The following CCDC28B variants were observed in gnomAD, a reference collection of about 807,000 sequenced individuals.
CCDC28B encodes the protein coiled-coil domain-containing protein 28B.
CCDC28B carries 17 observed loss-of-function variants against 18.7 expected under a neutral mutation model. That is an observed-to-expected ratio of 0.91 (90% CI 0.62 to 1.36). The LOEUF is 1.36. Among genes scored for constraint, CCDC28B ranks in the 40% most tolerant of loss-of-function variants. The pLI is 0.00. For synonymous variants in CCDC28B, 116 were observed against 105.1 expected (o/e 1.10, Z -0.64); for missense variants, 213 against 251.7 (o/e 0.85, Z 1.04).
rs1643278905 is a variant in CCDC28B at position 32,205,042 on chromosome 1, G to C, written c.549-152G>C. ...GATGAAGAGAGAGGGGGTGAGAGAG[G>C]GCAGGCGGGGACTGCAACCTCAGTC... On this transcript the variant is annotated intron_variant, in intron 5 of 5. Coordinates refer to ENST00000373602, the MANE Select transcript of CCDC28B (RefSeq NM_024296.5). This position sits in a 1 kb window ranked among gnomAD's most constrained non-coding sequence, Gnocchi z 5.6. The C allele has an allele frequency of 8.5e-7, 1 of 1,173,514 alleles. No individual in the cohort carries two copies. Among genetic ancestry groups the C allele is most frequent in the African/African-American group, 1.5e-5 (1 of 64,520 alleles). 72.7% of individuals were successfully genotyped at this position (1,173,514 alleles called of 1,614,324 possible). A position where few individuals can be genotyped will look rare whatever the true frequency, so the allele number is the denominator to read the frequency against.
upstream of CCDC28B, among the ~76,000 whole-genome samples, chr1:32,199,549 C>T (rs1643102606): frequency 6.6e-6 from 1 of 152,160 alleles, no homozygotes; most frequent in African/African-American, 2.4e-5. Flanking sequence ...TTTCTGTTGT[C>T]CCCAGTCTGG....
rs1643127907 is a variant in CCDC28B, at chr1:32,200,677, A to T, written c.-56A>T. On this transcript the variant is annotated 5_prime_UTR_variant, in exon 1 of 6. Transcript: ENST00000373602. ...AGGGCGGAGGGCGGAGGGAACTTGCACCGAAGCATCACTCGAGACCCCAAA... is the reference window on the plus strand; with the variant it reads ...AGGGCGGAGGGCGGAGGGAACTTGCTCCGAAGCATCACTCGAGACCCCAAA... 1 of 152,268 alleles carries T rather than the reference A, an allele frequency of 6.6e-6. No homozygotes were observed. Among genetic ancestry groups the T allele is most frequent in the African/African-American group, 2.4e-5 (1 of 41,422 alleles). 9.4% of individuals were successfully genotyped at this position (152,268 alleles called of 1,614,324 possible).
At chr1:32,199,133 C>T (rs1643090979), upstream of CCDC28B, among the ~76,000 whole-genome samples, 1 of 152,166 alleles carries the variant, frequency 6.6e-6, no homozygotes. Flanking sequence ...TGGCCTCACC[C>T]AGCACCCTGT....
chr1:32,201,480 C>T (rs1643146552), intron 1 of CCDC28B, among the ~76,000 whole-genome samples: 1 of 152,108 alleles, frequency 6.6e-6, no homozygotes, highest in Non-Finnish European at 1.5e-5. Context: ...CCCATGCTGA[C>T]AGGGTTTGTT....
At position 32,200,630 on chromosome 1, in the gene CCDC28B, C is replaced by G. The variant is rs1466008689; in HGVS notation, c.-103C>G. 1 of 152,280 alleles carries G rather than the reference C, an allele frequency of 6.6e-6. No individual in the cohort carries two copies. The highest frequency in any genetic ancestry group is 1.5e-5 in the Non-Finnish European group (1 of 68,084). 9.4% of individuals were successfully genotyped at this position (152,280 alleles called of 1,614,324 possible). On this transcript the variant is annotated 5_prime_UTR_variant, in exon 1 of 6. Coordinates refer to ENST00000373602, the MANE Select transcript of CCDC28B (RefSeq NM_024296.5). ...GAACTCCCTCCAGCTTAGCTTTCAC[C>G]CGGTGGTGTTCCCGGGAGGAGAGGG...
chr1:32,205,365 G>A lies in CCDC28B; in HGVS notation c.*117G>A. On this transcript the variant is annotated 3_prime_UTR_variant, in exon 6 of 6. Transcript: ENST00000373602. The surrounding 1 kb of genome is among the most constrained non-coding windows in gnomAD (Gnocchi z 5.6). ...CTATGGGGGAGGGGGGCGTTGAATG[G>A]AATTAAACCAGAAAGAAAGCAAGCG... The A allele has an allele frequency of 1.9e-6, 2 of 1,054,198 alleles. No individual in the cohort carries two copies. Among genetic ancestry groups the A allele is most frequent in the South Asian group, 3.3e-5 (2 of 60,856 alleles). 65.3% of individuals were successfully genotyped at this position (1,054,198 alleles called of 1,614,324 possible). A position where few individuals can be genotyped will look rare whatever the true frequency, so the allele number is the denominator to read the frequency against.
upstream of CCDC28B, chr1:32,197,666 T>G (rs1321553983): frequency 2.6e-5 from 4 of 152,220 alleles, no homozygotes; most frequent in African/African-American, 9.7e-5. The surrounding 1 kb of genome is among the most constrained non-coding windows in gnomAD (Gnocchi z 4.6). Flanking sequence ...AGATCTGTGT[T>G]GGTTTCTTAG....
At chr1:32,204,707 C>G in intron 5 of CCDC28B, 87 bp downstream of exon 5, 1 of 1,614,154 alleles carries the variant, frequency 6.2e-7, no homozygotes, top group Non-Finnish European at 8.5e-7. Context: ...TATTCACACA[C>G]AACCAACTTC....
intron 5 of CCDC28B, chr1:32,204,843 TTG>T (rs954016365): frequency 5.8e-6 from 9 of 1,549,806 alleles, no homozygotes; most frequent in African/African-American, 4.1e-5. Context: ...ATCAAAATCT[TTG>T]TGAGTACTTT....
At position 32,200,630 on chromosome 1, in the gene CCDC28B, C is replaced by T. The variant is rs1466008689; in HGVS notation, c.-103C>T. 1 of 152,398 alleles carries T rather than the reference C, an allele frequency of 6.6e-6. No individual in the cohort carries two copies. Among genetic ancestry groups the T allele is most frequent in the Admixed American group, 6.5e-5 (1 of 15,298 alleles). The allele number at this position is 152,398 out of a possible 1,614,324, so 9.4% of individuals were successfully genotyped here. A position where few individuals can be genotyped will look rare whatever the true frequency, so the allele number is the denominator to read the frequency against. On this transcript the variant is annotated 5_prime_UTR_variant, in exon 1 of 6. Transcript: ENST00000373602. ...GAACTCCCTCCAGCTTAGCTTTCACCCGGTGGTGTTCCCGGGAGGAGAGGG... is the reference window on the plus strand; with the variant it reads ...GAACTCCCTCCAGCTTAGCTTTCACTCGGTGGTGTTCCCGGGAGGAGAGGG...
Position 32,203,655 on chromosome 1 carries a change from T to C in CCDC28B, c.165-224T>C, listed in dbSNP as rs114273586. 9.7e-3 allele frequency among the ~76,000 whole-genome samples: 1,475 copies of C among 152,220 alleles called. 35 individuals carry two copies. The highest frequency in any genetic ancestry group is 0.033 in the African/African-American group (1,373 of 41,528). The stretch of plus-strand genomic sequence containing the variant: ...CCCCTTTCAGGCACTGCTCTGGCTG[T>C]GTTATTAGCAGAAAAGACTTCTTTT... On this transcript the variant is annotated intron_variant, in intron 2 of 5. Coordinates refer to ENST00000373602, the MANE Select transcript of CCDC28B (RefSeq NM_024296.5).
chr1:32,198,665 A>G (rs1259394815), upstream of CCDC28B, among the ~76,000 whole-genome samples: 2 of 152,134 alleles, frequency 1.3e-5, no homozygotes, highest in South Asian at 2.1e-4. Context: ...AGGGGGTGAT[A>G]CCTGGAATGG....
intron 5 of CCDC28B, chr1:32,204,874 C>G (rs1385478930): frequency 4.6e-6 from 7 of 1,517,592 alleles, no homozygotes; most frequent in Admixed American, 2.2e-5. Context: ...TCAATCATAG[C>G]AAAGCTTGTC....
chr1:32,204,023 C>T lies in CCDC28B; in HGVS notation c.309C>T (p.His103=), dbSNP rs561982752. 1.2e-5 allele frequency: 18 copies of T among 1,554,498 alleles called. No individual in the cohort carries two copies. In the South Asian group the frequency reaches 2.0e-4, roughly 17 times the overall value. Residue 103 remains histidine (H), a synonymous_variant, in exon 3 of 6, where the codon CAC becomes CAT. Transcript: ENST00000373602. ...TCCTGAACCTGCTCAATGATTTCCA[C>T]TCTGGCCGGCTGCAGGCCTTCGGTG... The part of the protein sequence containing the change: ...GGLLNLLNDF[H]SGRLQAFGKE...
At chr1:32,199,604 G>T (rs957151212), upstream of CCDC28B, among the ~76,000 whole-genome samples, 3 of 152,188 alleles carry the variant, frequency 2.0e-5, no homozygotes, top group African/African-American at 7.2e-5. Flanking sequence ...TTACCCTTGT[G>T]GAGTGTTCTG....
chr1:32,202,278 A>G, intron 2 of CCDC28B, 179 bp downstream of exon 2: 3 of 814,834 alleles, frequency 3.7e-6, no homozygotes, highest in Non-Finnish European at 6.1e-6. Context: ...TGTGTGGCAA[A>G]AAGGCCAGGT....
At chr1:32,197,835 T>C (rs1643057694), upstream of CCDC28B, 1 of 152,234 alleles carries the variant, frequency 6.6e-6, no homozygotes, top group South Asian at 2.1e-4. The surrounding 1 kb of genome is among the most constrained non-coding windows in gnomAD (Gnocchi z 4.6). Context: ...ATTTGTTGTT[T>C]GTTTTCCATG....
chr1:32,204,212 G>A lies in CCDC28B; in HGVS notation c.358G>A (p.Glu120Lys). ...FGKECSFEQLEHVREMQEKLA... is the reference protein window; with the variant it reads ...FGKECSFEQLKHVREMQEKLA... ...GAAGGAATGCTCCTTTGAGCAGCTG[G>A]AGCACGTTCGGGAGATGCAGGAGAA... The change falls in exon 4 of 6, where the codon GAG (glutamate) becomes AAG (lysine). Residue 120 changes from glutamate (E) to lysine (K), a missense_variant. Coordinates refer to ENST00000373602, the MANE Select transcript of CCDC28B (RefSeq NM_024296.5). 1 of 1,614,116 alleles carries A rather than the reference G, an allele frequency of 6.2e-7. No homozygotes were observed.
chr1:32,198,042 C>G (rs1643062703), upstream of CCDC28B: 1 of 152,408 alleles, frequency 6.6e-6, no homozygotes, highest in Non-Finnish European at 1.5e-5. Context: ...CCCAGCCTTT[C>G]CGCCTTGCAC....
Sources: allele counts gnomAD v4.1 joint callset (sites outside exome capture counted in the v4.1 genomes callset), GRCh38; gene constraint gnomAD v4.1.1; non-coding constraint Gnocchi (gnomAD v3.1); transcripts MANE v1.5; gene names NCBI Gene and HGNC (gene_info 2026-07-23, HGNC 2026-07-21).